The following BRCA2 variants were observed in gnomAD, a reference collection of about 807,000 sequenced individuals.
The protein encoded by BRCA2 is BRCA2 DNA repair associated, also known as breast cancer type 2 susceptibility protein.
A neutral mutation model predicts 276.7 loss-of-function variants in BRCA2; 203 were observed. The ratio of observed to expected loss-of-function variants is 0.73; its 90% CI spans 0.65 to 0.82. The LOEUF (loss-of-function observed/expected upper bound fraction) is 0.82. Among genes scored for constraint, BRCA2 ranks in the 40% least tolerant of loss-of-function variants. BRCA2 has a pLI of 0.00. For missense variants in BRCA2, 3,920 were observed against 3,915.0 expected (o/e 1.00, Z -0.03); for synonymous variants, 1,289 against 1,338.4 (o/e 0.96, Z 0.81).
intron 24 of BRCA2, among the ~76,000 whole-genome samples, chr13:32,383,311 G>A (rs978335573): frequency 6.6e-6 from 1 of 152,102 alleles, no homozygotes; most frequent in Non-Finnish European, 1.5e-5. Flanking sequence ...AGTGAGCTGA[G>A]ATCACACCAC....
In BRCA2 at chr13:32,338,669, C is replaced by T. The variant is rs730881590; in HGVS notation, c.4314C>T (p.Val1438=). ...FQTASGKNIS[V]AKESFNKIVN... is the part of the protein sequence containing the mutation. Reference sequence around the variant, plus strand: ...CTGCAAGTGGGAAAAATATTAGTGTCGCCAAAGAGTCATTTAATAAAATTG... The same window carrying T: ...CTGCAAGTGGGAAAAATATTAGTGTTGCCAAAGAGTCATTTAATAAAATTG... Residue 1438 remains valine, a synonymous_variant, in exon 11 of 27, where the codon GTC becomes GTT. Coordinates refer to ENST00000380152, the MANE Select transcript of BRCA2 (RefSeq NM_000059.4). The T allele has an allele frequency of 4.7e-5, 75 of 1,595,476 alleles. No homozygotes were observed. Among genetic ancestry groups the T allele is most frequent in the Admixed American group, 1.7e-4 (10 of 58,242 alleles).
At chr13:32,332,112 C>T (rs1407872499) in intron 9 of BRCA2, among the ~76,000 whole-genome samples, 160 bp from the exon 10 acceptor site, 1 of 151,762 alleles carries the variant, frequency 6.6e-6, no homozygotes, top group African/African-American at 2.4e-5. Context: ...GGTGACTGAC[C>T]GAAAAATAAA....
rs587782428 is a variant in BRCA2 at position 32,380,123 on chromosome 13, C to T, written c.9234C>T (p.Val3078=). 2.1e-5 allele frequency: 34 copies of T among 1,613,428 alleles called. No homozygotes were observed. The highest frequency in any genetic ancestry group is 2.7e-5 in the Non-Finnish European group (32 of 1,179,862). The change falls in exon 24 of 27, where the codon GTC becomes GTT. Residue 3078 remains valine (V), a synonymous_variant. Transcript: ENST00000380152. ...CTGAGGTGGACCTAATAGGATTTGT[C>T]GTTTCTGTTGTGAAAAAAACAGGTA... ...SCSEVDLIGF[V]VSVVKKTGLA... is the part of the protein sequence containing the mutation.
chr13:32,327,224 G>C (rs1480368655), intron 7 of BRCA2, among the ~76,000 whole-genome samples: 2 of 152,208 alleles, frequency 1.3e-5, no homozygotes, highest in Non-Finnish European at 1.5e-5. Flanking sequence ...GAGAAGGGTG[G>C]ATCACGTGAG....
intron 13 of BRCA2, among the ~76,000 whole-genome samples, chr13:32,351,031 A>G (rs909110337): frequency 4.6e-5 from 7 of 152,142 alleles, no homozygotes; most frequent in African/African-American, 1.4e-4. Flanking sequence ...ACCAATCAGC[A>G]CTCTGTAAAA....
rs541826447 is a variant in BRCA2, at chr13:32,340,586, G to A, written c.6231G>A (p.Lys2077=). ...TAGAAAGTTCCTTACACAAAGTTAA[G>A]GGAGTGTTAGAGGAATTTGATTTAA... ...SILESSLHKV[K]GVLEEFDLIR... The change falls in exon 11 of 27, where the codon AAG becomes AAA. Residue 2077 remains lysine (K), a synonymous_variant. Coordinates refer to ENST00000380152, the MANE Select transcript of BRCA2 (RefSeq NM_000059.4). The A allele has an allele frequency of 6.2e-7, 1 of 1,610,380 alleles. No individual in the cohort carries two copies.
At chr13:32,366,981 T>C (rs2072787267) in intron 18 of BRCA2, among the ~76,000 whole-genome samples, 1 of 152,110 alleles carries the variant, frequency 6.6e-6, no homozygotes, top group Non-Finnish European at 1.5e-5. Flanking sequence ...AAGAAATGGC[T>C]GATTCCAGAT....
In BRCA2 at chr13:32,356,548, C is replaced by G. The variant is rs545454796; in HGVS notation, c.7556C>G (p.Pro2519Arg). The change falls in exon 15 of 27, where the codon CCT (proline) becomes CGT (arginine). Residue 2519 changes from proline (P) to arginine (R), a missense_variant. This residue lies in a region of BRCA2 where 3,263 missense variants were observed against 3,156.9 expected (regional missense o/e 1.03). Coordinates refer to ENST00000380152, the MANE Select transcript of BRCA2 (RefSeq NM_000059.4). ...SLYLAKTSTL[P>R]RISLKAAVGG... ...TATCTTGCAAAAACATCCACTCTGC[C>G]TCGAATCTCTCTGAAAGCAGCAGTA... 6.2e-7 allele frequency: 1 copy of G among 1,614,214 alleles called. No individual in the cohort carries two copies. The highest frequency in any genetic ancestry group is 8.5e-7 in the Non-Finnish European group (1 of 1,180,044).
chr13:32,358,127 A>T (rs575726783), intron 16 of BRCA2, among the ~76,000 whole-genome samples, 198 bp downstream of exon 16: 2 of 152,106 alleles, frequency 1.3e-5, no homozygotes, highest in Non-Finnish European at 2.9e-5. Context: ...AATGAACTGG[A>T]TTTTCTTGAT....
intron 3 of BRCA2, among the ~76,000 whole-genome samples, chr13:32,322,223 A>G (rs568043833): frequency 6.6e-6 from 1 of 152,200 alleles, no homozygotes; most frequent in Admixed American, 6.5e-5. Context: ...CCAGAATGTC[A>G]TGTAGTTGGA....
At chr13:32,354,422 C>T (rs1380591888) in intron 13 of BRCA2, among the ~76,000 whole-genome samples, 1 of 151,906 alleles carries the variant, frequency 6.6e-6, no homozygotes, top group African/African-American at 2.4e-5. Context: ...AAAAAGGGCA[C>T]TTTAAAAAAG....
At chr13:32,367,243 T>G (rs1018758617) in intron 18 of BRCA2, among the ~76,000 whole-genome samples, 3 of 152,146 alleles carry the variant, frequency 2.0e-5, no homozygotes, top group African/African-American at 7.2e-5. Context: ...GAGACCAGCC[T>G]GGCCAACATG....
chr13:32,393,009 G>C (rs2073007763), intron 24 of BRCA2, among the ~76,000 whole-genome samples: 1 of 152,102 alleles, frequency 6.6e-6, no homozygotes, highest in Non-Finnish European at 1.5e-5. Context: ...GAGTTCGTCT[G>C]ATGTTTTCTC....
Position 32,357,768 on chromosome 13 carries a change from T to C in BRCA2, c.7644T>C (p.His2548=), listed in dbSNP as rs971280622. ...KQLYTYGVSK[H]CIKINSKNAE... is the part of the protein sequence containing the mutation. ...TGTATACGTATGGCGTTTCTAAACATTGCATAAAAATTAACAGCAAAAATG... is the reference window on the plus strand; with the variant it reads ...TGTATACGTATGGCGTTTCTAAACACTGCATAAAAATTAACAGCAAAAATG... The change falls in exon 16 of 27, where the codon CAT becomes CAC. Residue 2548 remains histidine, a synonymous_variant. Coordinates refer to ENST00000380152, the MANE Select transcript of BRCA2 (RefSeq NM_000059.4). 2 of 1,613,464 alleles carry C rather than the reference T, an allele frequency of 1.2e-6. No individual in the cohort carries two copies. Among genetic ancestry groups the C allele is most frequent in the African/African-American group, 1.3e-5 (1 of 74,920 alleles).
At chr13:32,361,184 A>G (rs924255525) in intron 16 of BRCA2, among the ~76,000 whole-genome samples, 6 of 152,238 alleles carry the variant, frequency 3.9e-5, no homozygotes, top group African/African-American at 1.4e-4. Context: ...AAAGTTAGGA[A>G]TAAATGCAGA....
At position 32,398,212 on chromosome 13, in the gene BRCA2, T is replaced by C. The variant is rs746413844; in HGVS notation, c.9699T>C (p.Cys3233=). 1 of 1,612,948 alleles carries C rather than the reference T, an allele frequency of 6.2e-7. No individual in the cohort carries two copies. The highest frequency in any genetic ancestry group is 8.5e-7 in the Non-Finnish European group (1 of 1,179,524). Residue 3233 remains cysteine, a synonymous_variant, in exon 27 of 27, where the codon TGT becomes TGC. Coordinates refer to ENST00000380152, the MANE Select transcript of BRCA2 (RefSeq NM_000059.4). ...EIYYQSPLSL[C]MAKRKSVSTP... is the part of the protein sequence containing the mutation. The stretch of plus-strand genomic sequence containing the variant: ...ATTATCAAAGTCCTTTATCACTTTG[T>C]ATGGCCAAAAGGAAGTCTGTTTCCA...
intron 18 of BRCA2, among the ~76,000 whole-genome samples, chr13:32,366,493 TATC>T (rs1304804694): frequency 5.9e-5 from 9 of 152,116 alleles, no homozygotes; most frequent in Non-Finnish European, 2.9e-5. Context: ...GTATTGGAAA[TATC>T]ATTATGAACT....
At position 32,363,340 on chromosome 13, in the gene BRCA2, C is replaced by A. The variant is rs994319321; in HGVS notation, c.8138C>A (p.Thr2713Asn). 1 of 1,614,100 alleles carries A rather than the reference C, an allele frequency of 6.2e-7. No individual in the cohort carries two copies. Among genetic ancestry groups the A allele is most frequent in the Non-Finnish European group, 8.5e-7 (1 of 1,180,012 alleles). Reference sequence around the variant, plus strand: ...AGCAATAAAACTAGTAGTGCAGATACCCAAAAAGTGGCCATTATTGAACTT... The same window carrying A: ...AGCAATAAAACTAGTAGTGCAGATAACCAAAAAGTGGCCATTATTGAACTT... ...TSSNKTSSAD[T>N]QKVAIIELTD... The change falls in exon 18 of 27, where the codon ACC becomes AAC. Residue 2713 changes from threonine (T) to asparagine (N), a missense_variant. Physicochemically the swap from Thr to Asn is moderately conservative, Grantham distance 65. Transcript: ENST00000380152.
In BRCA2 at chr13:32,370,948, T is replaced by G. The variant is rs397507405; in HGVS notation, c.8488-8T>G. Reference sequence around the variant, plus strand: ...GACTTTTTTGGTGTGTGTAACACATTATTACAGTGGATGGAGAAGACATCA... The same window carrying G: ...GACTTTTTTGGTGTGTGTAACACATGATTACAGTGGATGGAGAAGACATCA... On this transcript the variant is annotated splice_polypyrimidine_tract_variant and splice_region_variant and intron_variant, in intron 19 of 26. Transcript: ENST00000380152. The G allele has an allele frequency of 6.2e-7, 1 of 1,613,954 alleles. No individual in the cohort carries two copies. Among genetic ancestry groups the G allele is most frequent in the Non-Finnish European group, 8.5e-7 (1 of 1,179,962 alleles).
Sources: gnomAD v4.1 joint callset for allele counts (sites outside exome capture counted in the v4.1 genomes callset) on GRCh38, gnomAD v4.1.1 for gene constraint, gnomAD v4.1.1 regional missense constraint, MANE v1.5 for transcripts, NCBI Gene and HGNC (gene_info 2026-07-23, HGNC 2026-07-21) for gene names.